The following PAK3 variants were observed in gnomAD, a reference collection of about 807,000 sequenced individuals.
PAK3 encodes the protein p21 (RAC1) activated kinase 3, also known as serine/threonine-protein kinase PAK 3.
In PAK3, 4 loss-of-function variants were observed where a neutral mutation model predicts 41.0. The observed-to-expected ratio is 0.10, with a 90% CI of 0.05 to 0.22. PAK3 has a LOEUF of 0.22. Ranked by LOEUF, PAK3 falls within the 10% of genes least tolerant of loss-of-function variation. PAK3 has a pLI of 1.00. For synonymous variants in PAK3, 146 were observed against 139.6 expected, an observed-to-expected ratio of 1.05 and a Z score of -0.32; for missense variants, 205 against 409.9, an observed-to-expected ratio of 0.50 and a Z score of 4.32.
chrX:110,995,217 G>A (rs753202939), intron 1 of PAK3, among the ~76,000 whole-genome samples: 63 of 110,982 alleles, frequency 5.7e-4, no homozygotes, highest in African/African-American at 1.2e-3. Flanking sequence ...TTTAGGTGCC[G>A]TCAGCGAATG....
At chrX:110,987,253 T>A in intron 1 of PAK3, among the ~76,000 whole-genome samples, 1 of 112,604 alleles carries the variant, frequency 8.9e-6, no homozygotes, top group Middle Eastern at 4.6e-3. Flanking sequence ...ACAAATTGCA[T>A]GGCAAAAATA....
At chrX:111,201,858 T>C (rs1235158411) in intron 16 of PAK3, among the ~76,000 whole-genome samples, 1 of 110,476 alleles carries the variant, frequency 9.1e-6, no homozygotes, top group Non-Finnish European at 1.9e-5. Context: ...ATATATGAAA[T>C]GTATATATGG....
chrX:110,981,136 T>A (rs1239929038), intron 1 of PAK3, among the ~76,000 whole-genome samples: 1 of 111,485 alleles, frequency 9.0e-6, no homozygotes, highest in African/African-American at 3.3e-5. Flanking sequence ...TTTGGGGTAC[T>A]GTTTTCTGAG....
intron 1 of PAK3, among the ~76,000 whole-genome samples, chrX:111,088,886 C>G (rs774094144): frequency 1.8e-5 from 2 of 111,855 alleles, no homozygotes; most frequent in East Asian, 2.8e-4. Context: ...TTCTCCCAGC[C>G]TGATTAATGG....
chrX:111,167,574 G>T (rs1259286764), intron 10 of PAK3, among the ~76,000 whole-genome samples: 1 of 110,974 alleles, frequency 9.0e-6, no homozygotes, highest in Non-Finnish European at 1.9e-5. Flanking sequence ...CCTGGGTCTG[G>T]CTTGTTCATT....
intron 5 of PAK3, among the ~76,000 whole-genome samples, chrX:111,136,598 C>A (rs768573609): frequency 2.7e-5 from 3 of 111,738 alleles, no homozygotes; most frequent in East Asian, 5.7e-4. Flanking sequence ...TCCCCATTAC[C>A]TTCTAGAAAT....
chrX:111,187,628 G>T (rs1380484994), intron 11 of PAK3, among the ~76,000 whole-genome samples: 4 of 111,297 alleles, frequency 3.6e-5, no homozygotes, highest in African/African-American at 1.3e-4. Flanking sequence ...TTGAAGGAGA[G>T]ATTCATATTT....
intron 10 of PAK3, among the ~76,000 whole-genome samples, chrX:111,167,779 C>T (rs974323196): frequency 3.6e-5 from 4 of 110,377 alleles, no homozygotes; most frequent in Non-Finnish European, 7.6e-5. Context: ...ATGTAGATGA[C>T]GGGTTGATAG....
chrX:111,067,881 C>A (rs2092712795), intron 1 of PAK3, among the ~76,000 whole-genome samples: 1 of 110,206 alleles, frequency 9.1e-6, no homozygotes, highest in African/African-American at 3.3e-5. Flanking sequence ...TCTTGTTGTA[C>A]CCTCTGGAAC....
intron 4 of PAK3, among the ~76,000 whole-genome samples, chrX:111,122,259 A>G (rs867826765): frequency 2.9e-5 from 3 of 102,718 alleles, no homozygotes; most frequent in Non-Finnish European, 3.9e-5. Flanking sequence ...CCATCTGAAA[A>G]AAAAAAAAAA....
intron 1 of PAK3, among the ~76,000 whole-genome samples, chrX:111,021,339 C>T (rs986637016): frequency 8.9e-6 from 1 of 112,129 alleles, no homozygotes; most frequent in Non-Finnish European, 1.9e-5. Context: ...GACTGCAAGA[C>T]CTGAAGACAG....
intron 1 of PAK3, among the ~76,000 whole-genome samples, chrX:111,001,278 A>G (rs946919093): frequency 8.9e-6 from 1 of 112,554 alleles, no homozygotes; most frequent in Non-Finnish European, 1.9e-5. Context: ...CAAGTCACAG[A>G]TGACAGAAAC....
intron 1 of PAK3, among the ~76,000 whole-genome samples, chrX:110,975,564 C>G (rs1485796643): frequency 8.9e-6 from 1 of 111,804 alleles, no homozygotes; most frequent in Non-Finnish European, 1.9e-5. Flanking sequence ...AATGCCATCC[C>G]CATCAAGCTA....
intron 11 of PAK3, among the ~76,000 whole-genome samples, chrX:111,177,466 C>T (rs2094418301): frequency 8.9e-6 from 1 of 111,847 alleles, no homozygotes; most frequent in Non-Finnish European, 1.9e-5. Context: ...CATTGTTTCA[C>T]TGGGTTTGCT....
At chrX:111,163,472 C>A in intron 9 of PAK3, 90 bp from the exon 10 acceptor site, 1 of 661,290 alleles carries the variant, frequency 1.5e-6, no homozygotes, top group Non-Finnish European at 2.4e-6. Context: ...TACCACTTGT[C>A]TTTAAAAATT....
chrX:111,037,137 G>A (rs2092407983), intron 1 of PAK3, among the ~76,000 whole-genome samples: 1 of 111,341 alleles, frequency 9.0e-6, no homozygotes, highest in African/African-American at 3.3e-5. Flanking sequence ...TAGGGACAGA[G>A]TTTCACCATG....
intron 6 of PAK3, chrX:111,146,465 G>T: frequency 1.2e-6 from 1 of 814,127 alleles, no homozygotes; most frequent in Non-Finnish European, 1.8e-6. Context: ...CACCTTCTAA[G>T]TTGTCCCACA....
At chrX:111,124,121 T>C (rs1017972884) in intron 5 of PAK3, among the ~76,000 whole-genome samples, 5 of 111,898 alleles carry the variant, frequency 4.5e-5, no homozygotes, top group Non-Finnish European at 9.4e-5. Context: ...AATAGCTTTG[T>C]AGGTCACTTA....
intron 16 of PAK3, among the ~76,000 whole-genome samples, chrX:111,208,590 G>T (rs1285321554): frequency 8.9e-6 from 1 of 112,239 alleles, no homozygotes; most frequent in African/African-American, 3.2e-5. Context: ...ACAGTCACAT[G>T]CTGTACAGAT....
Sources: gnomAD v4.1 joint callset for allele counts (sites outside exome capture counted in the v4.1 genomes callset) on GRCh38, gnomAD v4.1.1 for gene constraint, MANE v1.5 for transcripts, NCBI Gene and HGNC (gene_info 2026-07-23, HGNC 2026-07-21) for gene names.